The following PRKAG2 variants were observed in gnomAD, a reference collection of about 807,000 sequenced individuals.
The protein encoded by PRKAG2 is 5'-AMP-activated protein kinase subunit gamma-2.
PRKAG2 carries 26 observed loss-of-function variants against 69.6 expected under a neutral mutation model. The ratio of observed to expected loss-of-function variants is 0.37; its 90% CI spans 0.27 to 0.52. The LOEUF (loss-of-function observed/expected upper bound fraction) is 0.52, where lower values mean the gene tolerates loss of function less well. Ranked by LOEUF, PRKAG2 falls within the 20% of genes least tolerant of loss-of-function variation. The pLI is 0.90. For synonymous variants in PRKAG2, 293 were observed against 285.0 expected (o/e 1.03, Z -0.28); for missense variants, 557 against 740.0 (o/e 0.75, Z 2.87).
intron 4 of PRKAG2, among the ~76,000 whole-genome samples, chr7:151,660,266 G>A (rs1481898310): frequency 6.6e-6 from 1 of 152,160 alleles, no homozygotes; most frequent in African/African-American, 2.4e-5. Context: ...ATCTTAAGAA[G>A]GAAAATCTCC....
At chr7:151,868,313 G>A (rs2080128657) in intron 1 of PRKAG2, among the ~76,000 whole-genome samples, 1 of 152,214 alleles carries the variant, frequency 6.6e-6, no homozygotes. Flanking sequence ...TCTTCTACTG[G>A]GGAAGCTCAG....
At chr7:151,851,528 G>T (rs1281612043) in intron 1 of PRKAG2, among the ~76,000 whole-genome samples, 2 of 152,188 alleles carry the variant, frequency 1.3e-5, no homozygotes, top group African/African-American at 4.8e-5. Flanking sequence ...AGCAGCTCTT[G>T]TGAAGTTGGC....
intron 3 of PRKAG2, among the ~76,000 whole-genome samples, chr7:151,706,033 T>G (rs535727686): frequency 6.6e-6 from 1 of 152,302 alleles, no homozygotes; most frequent in Non-Finnish European, 1.5e-5. Flanking sequence ...ACGACAGGTA[T>G]GTGAAACCAT....
intron 4 of PRKAG2, among the ~76,000 whole-genome samples, chr7:151,646,602 G>C (rs749788728): frequency 1.3e-5 from 2 of 152,114 alleles, no homozygotes; most frequent in Non-Finnish European, 2.9e-5. Context: ...TTCTGCATAA[G>C]TAATCACATC....
chr7:151,569,711 G>C (rs1003491728), intron 10 of PRKAG2, among the ~76,000 whole-genome samples: 1 of 152,192 alleles, frequency 6.6e-6, no homozygotes, highest in Non-Finnish European at 1.5e-5. Context: ...CAGAAGGCTT[G>C]GATAAAAAAG....
chr7:151,800,927 G>A (rs1243436884), intron 1 of PRKAG2, among the ~76,000 whole-genome samples: 3 of 152,228 alleles, frequency 2.0e-5, no homozygotes, highest in African/African-American at 7.2e-5. Flanking sequence ...AGATTGGCAT[G>A]GGGGCTGCAG....
chr7:151,604,316 C>T (rs1050661554), intron 5 of PRKAG2, among the ~76,000 whole-genome samples: 8 of 152,132 alleles, frequency 5.3e-5, no homozygotes, highest in East Asian at 1.9e-4. Context: ...CATGGTGCAG[C>T]GGTTATAGTT....
At chr7:151,698,046 T>C (rs1836993085) in intron 3 of PRKAG2, among the ~76,000 whole-genome samples, 3 of 152,150 alleles carry the variant, frequency 2.0e-5, no homozygotes, top group Non-Finnish European at 2.9e-5. Context: ...TGATGCCCTG[T>C]CCCTAGGTCT....
At chr7:151,816,489 GA>G (rs1424213111) in intron 1 of PRKAG2, among the ~76,000 whole-genome samples, 1 of 152,148 alleles carries the variant, frequency 6.6e-6, no homozygotes, top group Non-Finnish European at 1.5e-5. Flanking sequence ...AAACCAAGCT[GA>G]GTGGAAACAC....
At chr7:151,840,747 G>C (rs1442796763) in intron 1 of PRKAG2, among the ~76,000 whole-genome samples, 1 of 152,258 alleles carries the variant, frequency 6.6e-6, no homozygotes, top group Non-Finnish European at 1.5e-5. Context: ...GCCCCAAGCC[G>C]GCCTGCTTCT....
At chr7:151,602,012 A>C (rs1437652981) in intron 5 of PRKAG2, among the ~76,000 whole-genome samples, 1 of 152,242 alleles carries the variant, frequency 6.6e-6, no homozygotes, top group Non-Finnish European at 1.5e-5. Flanking sequence ...TAGACTAGAC[A>C]GTGAGGGCCC....
intron 1 of PRKAG2, among the ~76,000 whole-genome samples, chr7:151,819,483 G>A (rs758217598): frequency 3.3e-5 from 5 of 152,198 alleles, no homozygotes; most frequent in Non-Finnish European, 7.3e-5. Context: ...GATGTTTGCT[G>A]AGTGGCTGTG....
chr7:151,601,136 G>A (rs559428239), intron 5 of PRKAG2, among the ~76,000 whole-genome samples: 62 of 152,224 alleles, frequency 4.1e-4, no homozygotes, highest in African/African-American at 1.5e-3. Flanking sequence ...TTACCCACAG[G>A]GGGACACAAT....
At chr7:151,559,117 C>A (rs1400372385) in intron 15 of PRKAG2, 1 of 985,284 alleles carries the variant, frequency 1.0e-6, no homozygotes, top group African/African-American at 1.7e-5. Flanking sequence ...ATGTGCTGTG[C>A]AGTTATGCCT....
chr7:151,751,136 C>T (rs1435987281), intron 3 of PRKAG2, among the ~76,000 whole-genome samples: 5 of 138,816 alleles, frequency 3.6e-5, no homozygotes, highest in African/African-American at 5.5e-5. Flanking sequence ...CTCACTCTGT[C>T]GCCCAGGCTG....
At chr7:151,656,371 C>T (rs1323389457) in intron 4 of PRKAG2, among the ~76,000 whole-genome samples, 1 of 152,188 alleles carries the variant, frequency 6.6e-6, no homozygotes, top group Admixed American at 6.5e-5. Context: ...GCCTGGCCAA[C>T]ATGGTGAAAC....
At chr7:151,803,218 A>G (rs1363083771) in intron 1 of PRKAG2, among the ~76,000 whole-genome samples, 1 of 152,122 alleles carries the variant, frequency 6.6e-6, no homozygotes, top group East Asian at 1.9e-4. Flanking sequence ...TCAGCCTTCC[A>G]AAGTTCTGGG....
At chr7:151,650,992 GT>G (rs545661961) in intron 4 of PRKAG2, among the ~76,000 whole-genome samples, 1 of 151,894 alleles carries the variant, frequency 6.6e-6, no homozygotes, top group Non-Finnish European at 1.5e-5. Flanking sequence ...TTGGTAGACA[GT>G]TTTTTTTCAA....
chr7:151,589,230 C>T (rs535727652), intron 6 of PRKAG2, among the ~76,000 whole-genome samples: 99 of 152,324 alleles, frequency 6.5e-4, no homozygotes, highest in African/African-American at 2.2e-3. Context: ...CGGCTGAATA[C>T]AGTTTGTTGT....
Sources: allele counts gnomAD v4.1 joint callset (sites outside exome capture counted in the v4.1 genomes callset), GRCh38; gene constraint gnomAD v4.1.1; transcripts MANE v1.5; gene names NCBI Gene and HGNC (gene_info 2026-07-23, HGNC 2026-07-21).